EPN2: variants seen among roughly 807,000 people sequenced by gnomAD.
EPN2 encodes the protein epsin 2, also known as epsin-2.
A neutral mutation model predicts 61.7 loss-of-function variants in EPN2; 34 were observed. That is an observed-to-expected ratio of 0.55 (90% CI 0.42 to 0.73). The LOEUF (loss-of-function observed/expected upper bound fraction) is 0.73. Among genes scored for constraint, EPN2 ranks in the 30% least tolerant of loss-of-function variants. The pLI is 0.00. For synonymous variants in EPN2, 349 were observed against 353.6 expected (o/e 0.99, Z 0.15); for missense variants, 714 against 839.2 (o/e 0.85, Z 1.84).
chr17:19,283,736 C>T lies in EPN2; in HGVS notation c.595+22C>T, dbSNP rs780818190. On this transcript the variant is annotated intron_variant, in intron 3 of 10. Transcript: ENST00000314728. The surrounding 1 kb of genome is among the most constrained non-coding windows in gnomAD (Gnocchi z 7.0). ...GGCTGTGAGTAATGGAAGTGCTTCT[C>T]ACCCTTTGCCAGAGCAGCAGCAATG... 15 of 1,520,056 alleles carry T rather than the reference C, an allele frequency of 9.9e-6. No individual in the cohort carries two copies. The highest frequency in any genetic ancestry group is 8.3e-5 in the African/African-American group (6 of 71,882). 94.2% of individuals were successfully genotyped at this position (1,520,056 alleles called of 1,614,324 possible). A position where few individuals can be genotyped will look rare whatever the true frequency, so the allele number is the denominator to read the frequency against.
chr17:19,321,454 C>T (rs1366999062), intron 7 of EPN2, among the ~76,000 whole-genome samples: 3 of 152,160 alleles, frequency 2.0e-5, no homozygotes, highest in South Asian at 2.1e-4. Flanking sequence ...TGCAGATTGA[C>T]TTTAACCAGT....
At chr17:19,298,532 C>T (rs372629251) in intron 4 of EPN2, among the ~76,000 whole-genome samples, 3 of 152,122 alleles carry the variant, frequency 2.0e-5, no homozygotes, top group East Asian at 3.8e-4. Flanking sequence ...GCTGGGGTCT[C>T]GCTATATCAC....
chr17:19,329,393 G>T, intron 8 of EPN2, 168 bp from the exon 9 acceptor site: 1 of 576,214 alleles, frequency 1.7e-6, no homozygotes, highest in Admixed American at 3.0e-5. Flanking sequence ...GCGTGCTGGT[G>T]ACCCCAGGCT....
intron 6 of EPN2, among the ~76,000 whole-genome samples, chr17:19,312,428 G>A (rs1821725639): frequency 6.6e-6 from 1 of 152,242 alleles, no homozygotes; most frequent in Admixed American, 6.5e-5. Context: ...CAGCTGTCAA[G>A]TGAGCTACAT....
intron 1 of EPN2, among the ~76,000 whole-genome samples, chr17:19,267,831 G>A (rs760762677): frequency 6.6e-5 from 10 of 152,270 alleles, no homozygotes; most frequent in East Asian, 3.9e-4. Context: ...AGGAGCCACC[G>A]CGTCCGGCCA....
At chr17:19,247,514 A>G (rs560568276) in intron 1 of EPN2, among the ~76,000 whole-genome samples, 1 of 152,350 alleles carries the variant, frequency 6.6e-6, no homozygotes, top group African/African-American at 2.4e-5. Flanking sequence ...GCAGATGGGA[A>G]GGTATTTCGG....
intron 7 of EPN2, among the ~76,000 whole-genome samples, chr17:19,314,796 C>T (rs915146144): frequency 2.0e-5 from 3 of 152,232 alleles, no homozygotes; most frequent in African/African-American, 7.2e-5. Context: ...CCCAGGGAGC[C>T]TGTGGTATGG....
In EPN2 at chr17:19,285,436, C is replaced by G. The variant is rs963215918; in HGVS notation, c.596-184C>G. Among the ~76,000 whole-genome samples, 7 of 152,274 alleles carry G rather than the reference C, an allele frequency of 4.6e-5. No individual in the cohort carries two copies. The highest frequency in any genetic ancestry group is 1.7e-4 in the African/African-American group (7 of 41,474). On this transcript the variant is annotated intron_variant, in intron 3 of 10. Coordinates refer to ENST00000314728, the MANE Select transcript of EPN2 (RefSeq NM_014964.5). The surrounding 1 kb of genome is among the most constrained non-coding windows in gnomAD (Gnocchi z 4.5). ...CCAGCTGTGATGTTTTTGGTTCCCT[C>G]AGACCTTACGCTTGAGCTGCATGTT...
At chr17:19,282,110 A>G (rs1034177890) in intron 2 of EPN2, 33 bp downstream of exon 2, 8 of 152,082 alleles carry the variant, frequency 5.3e-5, no homozygotes, top group Admixed American at 5.2e-4. Context: ...AAGAGAGGGG[A>G]TAGATGATGT....
chr17:19,325,346 A>G (rs1383762458), intron 7 of EPN2, among the ~76,000 whole-genome samples: 1 of 152,220 alleles, frequency 6.6e-6, no homozygotes, highest in Non-Finnish European at 1.5e-5. Context: ...TAAAAATCCT[A>G]AGGAAAGAAA....
At chr17:19,251,734 A>G (rs1319659827) in intron 1 of EPN2, among the ~76,000 whole-genome samples, 1 of 152,142 alleles carries the variant, frequency 6.6e-6, no homozygotes, top group Non-Finnish European at 1.5e-5. Flanking sequence ...GCACCCGGCC[A>G]GGTAGTTGAG....
At chr17:19,252,117 G>C (rs1401914431) in intron 1 of EPN2, among the ~76,000 whole-genome samples, 1 of 152,072 alleles carries the variant, frequency 6.6e-6, no homozygotes, top group Non-Finnish European at 1.5e-5. Context: ...TTGGATTTTG[G>C]ATTTTCACAT....
chr17:19,312,238 A>G (rs986058792), intron 6 of EPN2, 94 bp downstream of exon 6: 1 of 870,568 alleles, frequency 1.1e-6, no homozygotes, highest in Admixed American at 1.8e-5. Flanking sequence ...CGTGATGCAC[A>G]GTGAGTTCTC....
chr17:19,278,515 A>G (rs983097413), intron 1 of EPN2, among the ~76,000 whole-genome samples: 1 of 152,242 alleles, frequency 6.6e-6, no homozygotes, highest in African/African-American at 2.4e-5. Flanking sequence ...TCACAGGAAT[A>G]GCATGGGAAA....
chr17:19,267,540 C>CTTT (rs398058634), intron 1 of EPN2, among the ~76,000 whole-genome samples: 12 of 141,030 alleles, frequency 8.5e-5, no homozygotes, highest in East Asian at 2.0e-4. Context: ...AGTAGAGCAG[C>CTTT]TTTTTTTTTT....
chr17:19,314,228 C>T (rs1334271407), intron 7 of EPN2, among the ~76,000 whole-genome samples: 2 of 152,134 alleles, frequency 1.3e-5, no homozygotes, highest in African/African-American at 4.8e-5. Flanking sequence ...GGCAGGAACA[C>T]AGCGTAATAG....
intron 4 of EPN2, chr17:19,308,689 A>G (rs1401582738): frequency 2.0e-6 from 2 of 985,224 alleles, no homozygotes; most frequent in African/African-American, 1.7e-5. Context: ...CAGTAGCTCC[A>G]AATCTCTCAG....
In EPN2 at chr17:19,332,004, C is replaced by A. The variant is rs1032043555; in HGVS notation, c.1563C>A (p.Asn521Lys). 1 of 1,613,834 alleles carries A rather than the reference C, an allele frequency of 6.2e-7. No homozygotes were observed. Among genetic ancestry groups the A allele is most frequent in the African/African-American group, 1.3e-5 (1 of 74,906 alleles). Reference protein sequence around the residue: ...SFLGPNAALVNLDSLVTRPAP... With the variant: ...SFLGPNAALVKLDSLVTRPAP... ...TGGGCCCCAACGCGGCCCTGGTGAACCTGGACTCACTGGTGACCAGGCCTG... is the reference window on the plus strand; with the variant it reads ...TGGGCCCCAACGCGGCCCTGGTGAAACTGGACTCACTGGTGACCAGGCCTG... The change falls in exon 10 of 11, where the codon AAC (asparagine) becomes AAA (lysine). Residue 521 changes from asparagine to lysine, a missense_variant. Physicochemically the swap from Asn to Lys is moderately conservative, Grantham distance 94 (BLOSUM62 0). Transcript: ENST00000314728.
At position 19,336,577 on chromosome 17, in the gene EPN2, G is replaced by GC. The variant is rs1176981357; in HGVS notation, c.*2324dup. On this transcript the variant is annotated 3_prime_UTR_variant, in exon 11 of 11. Coordinates refer to ENST00000314728, the MANE Select transcript of EPN2 (RefSeq NM_014964.5). The stretch of plus-strand genomic sequence containing the variant: ...ACGCATGTTGCACCTGTGCCATCGT[G>GC]CTCCCTCCTGATGGGCACCGTGGTG... 2.0e-5 allele frequency: 3 copies of GC among 152,580 alleles called. No individual in the cohort carries two copies. Among genetic ancestry groups the GC allele is most frequent in the Non-Finnish European group, 4.4e-5 (3 of 68,038 alleles). The allele number at this position is 152,580 out of a possible 1,614,324, so 9.5% of individuals were successfully genotyped here. A position where few individuals can be genotyped will look rare whatever the true frequency, so the allele number is the denominator to read the frequency against.
Sources: gnomAD v4.1 joint callset for allele counts (sites outside exome capture counted in the v4.1 genomes callset) on GRCh38, gnomAD v4.1.1 for gene constraint, Gnocchi (gnomAD v3.1) non-coding constraint, MANE v1.5 for transcripts, NCBI Gene and HGNC (gene_info 2026-07-23, HGNC 2026-07-21) for gene names.